Variants in AK3 observed in about 807,000 individuals in gnomAD.
AK3 encodes GTP:AMP phosphotransferase AK3, mitochondrial.
AK3 carries 27 observed loss-of-function variants against 23.7 expected under a neutral mutation model. The observed-to-expected ratio is 1.14, with a 90% CI of 0.84 to 1.57. The LOEUF (loss-of-function observed/expected upper bound fraction) is 1.57. Ranked by LOEUF, AK3 falls within the 40% of genes most tolerant of loss-of-function variation. The probability of loss-of-function intolerance (pLI) is 0.00; values close to 1 mark genes in which losing one functional copy is unlikely to be tolerated. For synonymous variants in AK3, 159 were observed against 116.0 expected (o/e 1.37, Z -2.38); for missense variants, 406 against 285.6 (o/e 1.42, Z -3.04).
rs1273138408 is a variant in AK3 at position 4,719,315 on chromosome 9, A to C, written c.272-8T>G. ...GAAGTGTCCTTGGAAAACCTTTATAAAGTAAAAAAGAAAAAGAAGAAGAAA... is the reference window on the plus strand; with the variant it reads ...GAAGTGTCCTTGGAAAACCTTTATACAGTAAAAAAGAAAAAGAAGAAGAAA... On this transcript the variant is annotated splice_region_variant and splice_polypyrimidine_tract_variant and intron_variant, in intron 2 of 4. Transcript: ENST00000381809. 1 of 1,579,302 alleles carries C rather than the reference A, an allele frequency of 6.3e-7. No homozygotes were observed. The highest frequency in any genetic ancestry group is 1.8e-5 in the Admixed American group (1 of 56,186).
intron 1 of AK3, among the ~76,000 whole-genome samples, chr9:4,729,919 G>T (rs1458926448): frequency 1.3e-5 from 2 of 151,380 alleles, no homozygotes; most frequent in African/African-American, 2.4e-5. Flanking sequence ...CCAAGAAGTA[G>T]AAACAAGTCA....
intron 1 of AK3, among the ~76,000 whole-genome samples, chr9:4,736,834 C>T (rs1161543641): frequency 1.3e-5 from 2 of 152,150 alleles, no homozygotes; most frequent in Middle Eastern, 3.2e-3. Context: ...CGTGCCACCA[C>T]ATCCAGCTAA....
chr9:4,729,522 C>G (rs757054551), intron 1 of AK3, among the ~76,000 whole-genome samples: 1 of 151,870 alleles, frequency 6.6e-6, no homozygotes, highest in Non-Finnish European at 1.5e-5. Context: ...TTCCTCCCCT[C>G]GCTATATGCC....
Position 4,724,137 on chromosome 9 carries a change from G to C in AK3, c.152-1512C>G, listed in dbSNP as rs551836007. ...GCAGACTGCACTTAGAAGAGGGCTT[G>C]GCAGATGGAGAGCTCAGGACTCACT... On this transcript the variant is annotated intron_variant, in intron 1 of 4. Coordinates refer to ENST00000381809, the MANE Select transcript of AK3 (RefSeq NM_016282.4). Among the ~76,000 whole-genome samples, 7 of 152,280 alleles carry C rather than the reference G, an allele frequency of 4.6e-5. No homozygotes were observed. The East Asian group carries it at 1.2e-3, about 25-fold the overall frequency.
intron 1 of AK3, among the ~76,000 whole-genome samples, chr9:4,734,753 G>T (rs771254368): frequency 5.9e-5 from 9 of 152,080 alleles, no homozygotes; most frequent in Non-Finnish European, 1.3e-4. Context: ...CAACCCAAAT[G>T]TTCACCAACT....
chr9:4,722,428 T>A, intron 2 of AK3, 78 bp downstream of exon 2: 2 of 1,601,514 alleles, frequency 1.2e-6, no homozygotes, highest in Non-Finnish European at 1.7e-6. Flanking sequence ...GACGTCTGTC[T>A]GAAGCCCATG....
At chr9:4,722,479 G>C (rs753953279) in intron 2 of AK3, 27 bp downstream of exon 2, 1 of 1,613,874 alleles carries the variant, frequency 6.2e-7, no homozygotes, top group African/African-American at 1.3e-5. Context: ...TTTTGGGCAG[G>C]TGAAATGCTC....
intron 2 of AK3, among the ~76,000 whole-genome samples, chr9:4,722,178 G>A (rs1380149101): frequency 6.6e-6 from 1 of 152,160 alleles, no homozygotes; most frequent in African/African-American, 2.4e-5. Context: ...CATACTCCTG[G>A]CTAGGGAAAG....
At chr9:4,716,575 G>A (rs1331208864) in intron 4 of AK3, among the ~76,000 whole-genome samples, 2 of 152,182 alleles carry the variant, frequency 1.3e-5, no homozygotes, top group Non-Finnish European at 2.9e-5. Context: ...CAAAATTATA[G>A]TAACAGCTAC....
intron 1 of AK3, among the ~76,000 whole-genome samples, chr9:4,739,960 A>G (rs1162332070): frequency 2.6e-5 from 4 of 151,688 alleles, no homozygotes; most frequent in African/African-American, 7.3e-5. Flanking sequence ...CCTTTCTAGA[A>G]GGAAAACTCT....
chr9:4,715,776 T>A (rs1841710074), intron 4 of AK3, among the ~76,000 whole-genome samples: 1 of 152,258 alleles, frequency 6.6e-6, no homozygotes, highest in East Asian at 1.9e-4. Context: ...TTATCATTCA[T>A]AGCCTTGCAG....
intron 4 of AK3, among the ~76,000 whole-genome samples, chr9:4,713,385 T>C (rs1274115186): frequency 6.6e-6 from 1 of 152,226 alleles, no homozygotes; most frequent in African/African-American, 2.4e-5. Flanking sequence ...CTACATGCTT[T>C]ACATATTATA....
chr9:4,718,474 T>A lies in AK3; in HGVS notation c.508A>T (p.Ile170Phe). The A allele has an allele frequency of 1.2e-6, 2 of 1,613,674 alleles. No individual in the cohort carries two copies. Among genetic ancestry groups the A allele is most frequent in the African/African-American group, 2.7e-5 (2 of 75,036 alleles). The change falls in exon 4 of 5, where the codon ATC (isoleucine) becomes TTC (phenylalanine). Residue 170 changes from isoleucine (I) to phenylalanine (F), a missense_variant. Ile to Phe is a conservative substitution (Grantham distance 21, BLOSUM62 0). Coordinates refer to ENST00000381809, the MANE Select transcript of AK3 (RefSeq NM_016282.4). ...TCTTCATAAGCCTTTAGTCTCTTGA[T>A]AACCGTCTCTGGTTTATCATCCTCA... ...QREDDKPETV[I>F]KRLKAYEDQT...
Position 4,712,741 on chromosome 9 carries a change from T to C in AK3, c.*235A>G, listed in dbSNP as rs1841594893. On this transcript the variant is annotated 3_prime_UTR_variant, in exon 5 of 5. Transcript: ENST00000381809. ...AACAGATGTTTTAAAGGTTCAGACA[T>C]CGCTGATGTTTTTGAGGATAACTGC... The C allele has an allele frequency of 3.1e-6, 1 of 326,754 alleles. No homozygotes were observed. The highest frequency in any genetic ancestry group is 5.2e-5 in the East Asian group (1 of 19,280). 20.2% of individuals were successfully genotyped at this position (326,754 alleles called of 1,614,324 possible).
chr9:4,725,309 G>A (rs1019108958), intron 1 of AK3, among the ~76,000 whole-genome samples: 13 of 151,630 alleles, frequency 8.6e-5, no homozygotes, highest in South Asian at 6.3e-4. Context: ...GAGCCACTGC[G>A]TCCAGCCTAA....
Position 4,712,321 on chromosome 9 carries a change from A to G in AK3, c.*655T>C, listed in dbSNP as rs1841582726. The G allele has an allele frequency of 6.6e-6, 1 of 152,204 alleles. No homozygotes were observed. The allele number at this position is 152,204 out of a possible 1,614,324, so 9.4% of individuals were successfully genotyped here. ...TTTTCAAAGGAAACAAGTCATCTTA[A>G]AGTAATATTTTTCTATATGCTAATT... On this transcript the variant is annotated 3_prime_UTR_variant, in exon 5 of 5. Coordinates refer to ENST00000381809, the MANE Select transcript of AK3 (RefSeq NM_016282.4).
At chr9:4,722,893 C>T (rs1474713390) in intron 1 of AK3, among the ~76,000 whole-genome samples, 1 of 152,042 alleles carries the variant, frequency 6.6e-6, no homozygotes, top group African/African-American at 2.4e-5. Flanking sequence ...CCAGTCTCTA[C>T]AGAAATAAAA....
intron 1 of AK3, among the ~76,000 whole-genome samples, chr9:4,735,510 C>G: frequency 7.9e-6 from 1 of 126,270 alleles, no homozygotes. Context: ...CAGAGTCTCA[C>G]TGTGTTGCCC....
intron 4 of AK3, among the ~76,000 whole-genome samples, chr9:4,715,813 T>C (rs1841711063): frequency 6.6e-6 from 1 of 152,308 alleles, no homozygotes; most frequent in African/African-American, 2.4e-5. Context: ...CCAGCAACAA[T>C]GCATTCTCCC....
Sources: gnomAD v4.1 joint callset for allele counts (sites outside exome capture counted in the v4.1 genomes callset) on GRCh38, gnomAD v4.1.1 for gene constraint, MANE v1.5 for transcripts, NCBI Gene and HGNC (gene_info 2026-07-23, HGNC 2026-07-21) for gene names.